The following CEP76 variants were observed in gnomAD, a reference collection of about 807,000 sequenced individuals.
CEP76 encodes centrosomal protein 76, also known as centrosomal protein of 76 kDa.
CEP76 carries 55 observed loss-of-function variants against 83.3 expected under a neutral mutation model. The ratio of observed to expected loss-of-function variants is 0.66; its 90% CI spans 0.53 to 0.83. CEP76 has a LOEUF of 0.83. CEP76 is among the 40% of genes least tolerant of loss of function. The pLI, the probability that CEP76 is intolerant of heterozygous loss-of-function variation, is 0.00. For synonymous variants in CEP76, 270 were observed against 274.5 expected, an observed-to-expected ratio of 0.98 and a Z score of 0.16; for missense variants, 694 against 799.5, an observed-to-expected ratio of 0.87 and a Z score of 1.59.
chr18:12,690,273 C>T (rs541131965), intron 7 of CEP76, among the ~76,000 whole-genome samples: 35 of 152,278 alleles, frequency 2.3e-4, no homozygotes, highest in Non-Finnish European at 4.0e-4. Context: ...CCACTTTTAG[C>T]CTGTTCCAAA....
chr18:12,699,002 A>G lies in CEP76; in HGVS notation c.497T>C (p.Leu166Pro). The G allele has an allele frequency of 1.2e-6, 2 of 1,613,072 alleles. No homozygotes were observed. Among genetic ancestry groups the G allele is most frequent in the Non-Finnish European group, 1.7e-6 (2 of 1,179,182 alleles). ...CEPDFHDGFL[L>P]EVHRESLGDG... Reference sequence around the variant, plus strand: ...ACCCAAGCTTTCTCTGTGTACTTCAAGTAAAAAGCCATCATGAAAATCTGG... The same window carrying G: ...ACCCAAGCTTTCTCTGTGTACTTCAGGTAAAAAGCCATCATGAAAATCTGG... The change falls in exon 4 of 12, where the codon CTT becomes CCT. Residue 166 changes from leucine (L) to proline (P), a missense_variant. Transcript: ENST00000262127.
intron 4 of CEP76, among the ~76,000 whole-genome samples, 162 bp from the exon 5 acceptor site, chr18:12,697,570 C>T (rs1014684386): frequency 6.6e-6 from 1 of 152,238 alleles, no homozygotes; most frequent in Non-Finnish European, 1.5e-5. Flanking sequence ...AATACAAGTA[C>T]AGTCCTATTT....
chr18:12,675,349 T>C lies in CEP76; in HGVS notation c.1624-596A>G, dbSNP rs921129204. Among the ~76,000 whole-genome samples the C allele has an allele frequency of 5.3e-5, 8 of 152,080 alleles. No homozygotes were observed. The South Asian group carries it at 6.2e-4, about 12-fold the overall frequency. The stretch of plus-strand genomic sequence containing the variant: ...AGGCAGAGCTTGCAGTGAGCCGAGA[T>C]CGTGCCACTGCACTCCAGCCTGGGC... On this transcript the variant is annotated intron_variant, in intron 10 of 11. Transcript: ENST00000262127.
chr18:12,701,474 C>T (rs1422693860), intron 1 of CEP76, among the ~76,000 whole-genome samples: 2 of 152,246 alleles, frequency 1.3e-5, no homozygotes, highest in African/African-American at 2.4e-5. Context: ...CAGCTTTCAA[C>T]TTAGTAGATG....
In CEP76 at chr18:12,697,413, C is replaced by T; in HGVS notation, c.521-5G>A. On this transcript the variant is annotated splice_polypyrimidine_tract_variant and splice_region_variant and intron_variant, in intron 4 of 11. Transcript: ENST00000262127. Reference sequence around the variant, plus strand: ...CAGCCATTCTAGTTCCATCACCTAGCAATATAATCCAAACGAAATTATACC... The same window carrying T: ...CAGCCATTCTAGTTCCATCACCTAGTAATATAATCCAAACGAAATTATACC... 6.3e-7 allele frequency: 1 copy of T among 1,588,604 alleles called. No homozygotes were observed. Among genetic ancestry groups the T allele is most frequent in the Non-Finnish European group, 8.6e-7 (1 of 1,165,074 alleles).
At chr18:12,687,319 A>G (rs1353275573) in intron 7 of CEP76, among the ~76,000 whole-genome samples, 1 of 152,136 alleles carries the variant, frequency 6.6e-6, no homozygotes, top group Non-Finnish European at 1.5e-5. Flanking sequence ...ATATAGTCCC[A>G]TACTTTAGCA....
In CEP76 at chr18:12,695,292, G is replaced by A. The variant is rs1055962293; in HGVS notation, c.766C>T (p.Leu256Phe). 3 of 1,568,806 alleles carry A rather than the reference G, an allele frequency of 1.9e-6. No individual in the cohort carries two copies. Among genetic ancestry groups the A allele is most frequent in the African/African-American group, 1.4e-5 (1 of 73,712 alleles). ...LNIKLEMYPPLNQTLSQEVVN... is the reference protein window; with the variant it reads ...LNIKLEMYPPFNQTLSQEVVN... ...ACTTCTTGAGATAACGTTTGATTGA[G>A]TGGTGGATACATTTCAAGTTTTATA... is the stretch of plus-strand genomic sequence containing the variant. The change falls in exon 6 of 12, where the codon CTC becomes TTC. Residue 256 changes from leucine (L) to phenylalanine (F), a missense_variant. Leu to Phe is a conservative substitution (Grantham distance 22). Transcript: ENST00000262127.
intron 12 of CEP76, among the ~76,000 whole-genome samples, chr18:12,667,226 T>G (rs1352495924): frequency 1.3e-5 from 2 of 152,120 alleles, no homozygotes; most frequent in African/African-American, 4.8e-5. Flanking sequence ...TTTGGGAGGC[T>G]GAGTGAGGAG....
chr18:12,662,748 G>A (rs946624067), intron 12 of CEP76, among the ~76,000 whole-genome samples: 1 of 152,222 alleles, frequency 6.6e-6, no homozygotes. Flanking sequence ...CTGCCCTCCA[G>A]CCTGGGCGAT....
intron 4 of CEP76, 97 bp downstream of exon 4, chr18:12,698,882 T>C (rs1312502385): frequency 1.4e-5 from 12 of 848,348 alleles, no homozygotes; most frequent in Non-Finnish European, 2.2e-5. Context: ...TCCTCCATTA[T>C]AAATCTCTCC....
chr18:12,701,852 C>A (rs186660908), intron 1 of CEP76, among the ~76,000 whole-genome samples: 1 of 152,316 alleles, frequency 6.6e-6, no homozygotes, highest in East Asian at 1.9e-4. Context: ...TGATATCTGC[C>A]GGGCGCGGAG....
chr18:12,680,550 T>C (rs1224802444), intron 9 of CEP76, 112 bp downstream of exon 9: 9 of 697,854 alleles, frequency 1.3e-5, no homozygotes, highest in Non-Finnish European at 8.8e-6. Context: ...TGAGCTGAGA[T>C]TGTGCCAGTG....
At chr18:12,690,081 GC>G (rs1568024694) in intron 7 of CEP76, among the ~76,000 whole-genome samples, 44 of 141,200 alleles carry the variant, frequency 3.1e-4, no homozygotes, top group African/African-American at 1.0e-3. Flanking sequence ...GAGCCACCGC[GC>G]CCGGCCAGGA....
At chr18:12,672,574 G>A, downstream of CEP76, 1 of 797,226 alleles carries the variant, frequency 1.3e-6, no homozygotes, top group Non-Finnish European at 1.5e-6. Flanking sequence ...AAGGGTTTCA[G>A]AAGATAGAAT....
chr18:12,702,280 T>A, intron 1 of CEP76: 2 of 545,374 alleles, frequency 3.7e-6, no homozygotes. Context: ...AGACTCTTGC[T>A]AGCACCTGCT....
Position 12,682,739 on chromosome 18 carries a change from A to C in CEP76, c.1123-1911T>G, listed in dbSNP as rs2039395695. Among the ~76,000 whole-genome samples, 4 of 151,980 alleles carry C rather than the reference A, an allele frequency of 2.6e-5. No individual in the cohort carries two copies. The South Asian group carries it at 8.3e-4, about 32-fold the overall frequency. On this transcript the variant is annotated intron_variant, in intron 8 of 11. Transcript: ENST00000262127. Reference sequence around the variant, plus strand: ...CTCCTCCCGGGTTCCAATGATTCTCAGCCTCCTGAGTAGCTAGGACTACAG... The same window carrying C: ...CTCCTCCCGGGTTCCAATGATTCTCCGCCTCCTGAGTAGCTAGGACTACAG...
rs945542550 is a variant in CEP76 at position 12,672,842 on chromosome 18, G to A, written c.*523C>T. On this transcript the variant is annotated 3_prime_UTR_variant, in exon 12 of 12. Transcript: ENST00000262127. ...AGGTCCAACCATAAATTTCTGGACA[G>A]TCTCAAATATCCCAAGGACCACGAA... 1.6e-5 allele frequency: 16 copies of A among 984,908 alleles called. No homozygotes were observed. Among genetic ancestry groups the A allele is most frequent in the Non-Finnish European group, 1.9e-5 (16 of 829,474 alleles). 61.0% of individuals were successfully genotyped at this position (984,908 alleles called of 1,614,324 possible).
chr18:12,671,887 C>A (rs2144970000), downstream of CEP76, among the ~76,000 whole-genome samples: 1 of 152,226 alleles, frequency 6.6e-6, no homozygotes, highest in East Asian at 1.9e-4. Flanking sequence ...GTGGCATGAT[C>A]TTGGCTCATC....
At chr18:12,666,759 A>C (rs967268433) in intron 12 of CEP76, among the ~76,000 whole-genome samples, 8 of 152,112 alleles carry the variant, frequency 5.3e-5, no homozygotes, top group East Asian at 1.9e-4. Flanking sequence ...AAAAAAAAAA[A>C]AACTTTTGAA....
Sources: allele counts gnomAD v4.1 joint callset (sites outside exome capture counted in the v4.1 genomes callset), GRCh38; gene constraint gnomAD v4.1.1; transcripts MANE v1.5; gene names NCBI Gene and HGNC (gene_info 2026-07-23, HGNC 2026-07-21).